Variants in NUBPL observed in about 807,000 individuals in gnomAD.
The protein encoded by NUBPL is iron-sulfur cluster transfer protein NUBPL.
In NUBPL, 31 loss-of-function variants were observed where a neutral mutation model predicts 45.7. The ratio of observed to expected loss-of-function variants is 0.68; its 90% CI spans 0.51 to 0.92. The LOEUF (loss-of-function observed/expected upper bound fraction) is 0.92, where lower values mean the gene tolerates loss of function less well. Ranked by LOEUF, NUBPL falls within the 40% of genes least tolerant of loss-of-function variation. NUBPL has a pLI of 0.00. For synonymous variants in NUBPL, 144 were observed against 140.9 expected (o/e 1.02, Z -0.15); for missense variants, 401 against 398.7 (o/e 1.01, Z -0.05).
intron 6 of NUBPL, among the ~76,000 whole-genome samples, chr14:31,685,430 G>T (rs2163300): frequency 6.6e-6 from 1 of 152,108 alleles, no homozygotes; most frequent in African/African-American, 2.4e-5. Flanking sequence ...GGCCATTCAA[G>T]AATTTGGGGG....
Position 31,681,955 on chromosome 14 carries a change from G to A in NUBPL, c.513+8381G>A, listed in dbSNP as rs115040075. On this transcript the variant is annotated intron_variant, in intron 6 of 10. Transcript: ENST00000281081. ...TTTTTGTGGACCAGCACCAGCATGC[G>A]ATCCATCTTTGTGAATATTTCATAC... 2.7e-3 allele frequency among the ~76,000 whole-genome samples: 414 copies of A among 152,172 alleles called. 2 individuals are homozygous for A. Among genetic ancestry groups the A allele is most frequent in the African/African-American group, 9.5e-3 (394 of 41,538 alleles).
chr14:31,752,063 C>T (rs2038544013), intron 6 of NUBPL, among the ~76,000 whole-genome samples: 1 of 152,208 alleles, frequency 6.6e-6, no homozygotes, highest in East Asian at 1.9e-4. Flanking sequence ...ACCATTTTTC[C>T]TTCCTAGGCC....
intron 6 of NUBPL, among the ~76,000 whole-genome samples, chr14:31,759,727 A>G (rs2038756441): frequency 6.6e-6 from 1 of 151,012 alleles, no homozygotes; most frequent in Non-Finnish European, 1.5e-5. Flanking sequence ...TATGTGGTAT[A>G]ATAAATATTC....
chr14:31,798,337 A>G (rs2039508060), intron 7 of NUBPL, among the ~76,000 whole-genome samples: 1 of 140,212 alleles, frequency 7.1e-6, no homozygotes, highest in South Asian at 2.3e-4. Flanking sequence ...GCTGTATATA[A>G]TATCCATGTG....
At chr14:31,630,685 C>T (rs1208609524) in intron 4 of NUBPL, among the ~76,000 whole-genome samples, 2 of 152,096 alleles carry the variant, frequency 1.3e-5, no homozygotes, top group African/African-American at 4.8e-5. Flanking sequence ...TGGGTGGGTC[C>T]AGAGCAGCCT....
chr14:31,676,031 T>G (rs2036687031), intron 6 of NUBPL, among the ~76,000 whole-genome samples: 1 of 152,106 alleles, frequency 6.6e-6, no homozygotes, highest in Non-Finnish European at 1.5e-5. Context: ...TGTAGCTTTT[T>G]TTTTTTTTGA....
intron 8 of NUBPL, among the ~76,000 whole-genome samples, chr14:31,834,337 T>G (rs58227709): frequency 3.6e-4 from 55 of 152,056 alleles, no homozygotes; most frequent in African/African-American, 1.2e-3. Context: ...CCTGCCACCA[T>G]GCCTGGCTAA....
chr14:31,802,783 T>C (rs1385850507), intron 7 of NUBPL, among the ~76,000 whole-genome samples: 7 of 152,230 alleles, frequency 4.6e-5, no homozygotes, highest in Admixed American at 3.3e-4. Context: ...TTTCTACCTG[T>C]CTAGGACCTT....
intron 6 of NUBPL, among the ~76,000 whole-genome samples, chr14:31,757,073 C>A (rs2038683223): frequency 6.6e-6 from 1 of 151,900 alleles, no homozygotes; most frequent in African/African-American, 2.4e-5. Flanking sequence ...GGTGAATAAG[C>A]TTTTTGATGT....
chr14:31,606,678 G>A (rs978394286), intron 4 of NUBPL, among the ~76,000 whole-genome samples: 3 of 152,082 alleles, frequency 2.0e-5, no homozygotes, highest in African/African-American at 4.8e-5. Context: ...AGCCTCATGG[G>A]CCACAGAGGG....
At chr14:31,596,771 C>G (rs2034295356) in intron 3 of NUBPL, among the ~76,000 whole-genome samples, 1 of 152,162 alleles carries the variant, frequency 6.6e-6, no homozygotes, top group Non-Finnish European at 1.5e-5. Flanking sequence ...TTTAAATGGT[C>G]ATTTTGAGTG....
rs532312157 is a variant in NUBPL at position 31,773,722 on chromosome 14, C to A, written c.514-14058C>A. Among the ~76,000 whole-genome samples, 4 of 152,136 alleles carry A rather than the reference C, an allele frequency of 2.6e-5. No individual in the cohort carries two copies. The South Asian group carries it at 8.3e-4, about 32-fold the overall frequency. On this transcript the variant is annotated intron_variant, in intron 6 of 10. Transcript: ENST00000281081. Reference sequence around the variant, plus strand: ...GTAGGGTAGGACTATACCTAACTGACGTAGAAGAATCAGGAAATTAGGAGC... The same window carrying A: ...GTAGGGTAGGACTATACCTAACTGAAGTAGAAGAATCAGGAAATTAGGAGC...
At chr14:31,808,603 C>A (rs1018635964) in intron 7 of NUBPL, among the ~76,000 whole-genome samples, 7 of 151,982 alleles carry the variant, frequency 4.6e-5, no homozygotes, top group Non-Finnish European at 1.0e-4. Context: ...AATTGAATAC[C>A]CTTCATTTCT....
At chr14:31,675,406 T>C (rs2036670524) in intron 6 of NUBPL, among the ~76,000 whole-genome samples, 1 of 152,242 alleles carries the variant, frequency 6.6e-6, no homozygotes, top group Admixed American at 6.5e-5. Flanking sequence ...TTTTCACTTT[T>C]GTTTTGATTT....
intron 3 of NUBPL, among the ~76,000 whole-genome samples, chr14:31,599,018 A>G (rs2034353948): frequency 6.6e-6 from 1 of 152,228 alleles, no homozygotes. Flanking sequence ...GAGAGACCTG[A>G]ACTACAATAT....
intron 6 of NUBPL, among the ~76,000 whole-genome samples, chr14:31,743,174 T>C (rs1330178505): frequency 6.6e-6 from 1 of 152,170 alleles, no homozygotes; most frequent in Non-Finnish European, 1.5e-5. Context: ...TTGCTGAACC[T>C]GAAGTTCACC....
At chr14:31,798,591 G>A (rs903629157) in intron 7 of NUBPL, among the ~76,000 whole-genome samples, 78 of 151,428 alleles carry the variant, frequency 5.2e-4, no homozygotes, top group Non-Finnish European at 1.0e-4. Flanking sequence ...GGGAGAACGA[G>A]ACCATCCTGG....
intron 4 of NUBPL, among the ~76,000 whole-genome samples, chr14:31,644,887 T>G (rs1360891974): frequency 6.6e-6 from 1 of 152,130 alleles, no homozygotes; most frequent in Non-Finnish European, 1.5e-5. Context: ...GACCCCTTTA[T>G]TATTATTGAA....
At chr14:31,599,113 G>T in intron 3 of NUBPL, 176 bp from the exon 4 acceptor site, 1 of 642,320 alleles carries the variant, frequency 1.6e-6, no homozygotes, top group Non-Finnish European at 2.8e-6. Flanking sequence ...AGCAATTTAT[G>T]CTCTTTTACT....
Sources: allele counts gnomAD v4.1 joint callset (sites outside exome capture counted in the v4.1 genomes callset), GRCh38; gene constraint gnomAD v4.1.1; transcripts MANE v1.5; gene names NCBI Gene and HGNC (gene_info 2026-07-23, HGNC 2026-07-21).